The following AXIN1 variants were observed in gnomAD, a reference collection of about 807,000 sequenced individuals.
AXIN1 encodes axin-1.
A neutral mutation model predicts 76.4 loss-of-function variants in AXIN1; 30 were observed. The ratio of observed to expected loss-of-function variants is 0.39; its 90% CI spans 0.29 to 0.53. AXIN1 has a LOEUF of 0.53. Ranked by LOEUF, AXIN1 falls within the 20% of genes least tolerant of loss-of-function variation. The pLI, the probability that AXIN1 is intolerant of heterozygous loss-of-function variation, is 0.66. For synonymous variants in AXIN1, 545 were observed against 501.4 expected (o/e 1.09, Z -1.16); for missense variants, 1,140 against 1,198.8 (o/e 0.95, Z 0.72).
intron 1 of AXIN1, among the ~76,000 whole-genome samples, chr16:350,960 C>A (rs1430846047): frequency 6.6e-6 from 1 of 151,780 alleles, no homozygotes; most frequent in African/African-American, 2.4e-5. Flanking sequence ...ACAGAAACCC[C>A]ATCTCTACTA....
chr16:331,141 C>T (rs12719801), intron 2 of AXIN1, among the ~76,000 whole-genome samples: 58,812 of 152,034 alleles, frequency 0.39, 11,990 homozygotes, highest in African/African-American at 0.49. Context: ...GCTCTCAGTG[C>T]TGAAGCTACA....
At chr16:341,512 C>T (rs1597113499) in intron 2 of AXIN1, among the ~76,000 whole-genome samples, 2 of 152,374 alleles carry the variant, frequency 1.3e-5, no homozygotes, top group Middle Eastern at 3.4e-3. Context: ...GGGCAGGGCT[C>T]GGGAGCTGCA....
In AXIN1 at chr16:307,252, G is replaced by A. The variant is rs186964941; in HGVS notation, c.1116+2721C>T. On this transcript the variant is annotated intron_variant, in intron 4 of 10. Transcript: ENST00000262320. ...AACAGGAGCACTCATGCCGCCACGCGAGCTCCATAAAAAGACTCCAGGTGG... is the reference window on the plus strand; with the variant it reads ...AACAGGAGCACTCATGCCGCCACGCAAGCTCCATAAAAAGACTCCAGGTGG... 2.3e-3 allele frequency among the ~76,000 whole-genome samples: 348 copies of A among 152,246 alleles called. 3 individuals are homozygous for A. The highest frequency in any genetic ancestry group is 0.015 in the Admixed American group (234 of 15,294).
chr16:291,573 G>C (rs2052562580), intron 8 of AXIN1: 1 of 525,180 alleles, frequency 1.9e-6, no homozygotes, highest in Non-Finnish European at 3.5e-6. Context: ...CCGATCAGGG[G>C]TGCTGGGATC....
At chr16:329,819 G>A (rs1395611476) in intron 2 of AXIN1, among the ~76,000 whole-genome samples, 2 of 146,866 alleles carry the variant, frequency 1.4e-5, no homozygotes, top group South Asian at 4.3e-4. Flanking sequence ...TTTTTTAGTA[G>A]ACACGGGGTT....
chr16:300,367 T>C (rs1481334232), intron 5 of AXIN1, among the ~76,000 whole-genome samples: 1 of 147,686 alleles, frequency 6.8e-6, no homozygotes, highest in Admixed American at 6.7e-5. Flanking sequence ...TTTTTCTTTT[T>C]CTTTTTTTTT....
In AXIN1 at chr16:304,368, T is replaced by C. The variant is rs969357289; in HGVS notation, c.1190A>G (p.Glu397Gly). The C allele has an allele frequency of 6.2e-7, 1 of 1,612,596 alleles. No individual in the cohort carries two copies. Among genetic ancestry groups the C allele is most frequent in the Admixed American group, 1.7e-5 (1 of 60,010 alleles). Residue 397 changes from glutamate (E) to glycine (G), a missense_variant, in exon 5 of 11, where the codon GAG (glutamate) becomes GGG (glycine). Physicochemically the swap from Glu to Gly is moderately conservative, Grantham distance 98. Around this residue, in one of 3 missense-constraint regions of AXIN1, gnomAD observed 708 missense variants for 776.9 expected, o/e 0.91. Coordinates refer to ENST00000262320, the MANE Select transcript of AXIN1 (RefSeq NM_003502.4). The part of the protein sequence containing the change: ...KFAEELIHRL[E>G]AVQRTREAEE... Reference sequence around the variant, plus strand: ...GGCCTCCCGCGTGCGCTGCACAGCCTCCAGGCGGTGGATGAGCTCCTCCGC... The same window carrying C: ...GGCCTCCCGCGTGCGCTGCACAGCCCCCAGGCGGTGGATGAGCTCCTCCGC...
At chr16:351,151 A>T (rs2054135106) in intron 1 of AXIN1, among the ~76,000 whole-genome samples, 1 of 151,416 alleles carries the variant, frequency 6.6e-6, no homozygotes, top group African/African-American at 2.4e-5. Flanking sequence ...AAAAAAACTG[A>T]AACCGAGCTA....
At chr16:309,679 T>TC (rs2053123688) in intron 4 of AXIN1, among the ~76,000 whole-genome samples, 1 of 152,150 alleles carries the variant, frequency 6.6e-6, no homozygotes, top group South Asian at 2.1e-4. Context: ...AGGGGAAGCA[T>TC]CCACCTTCAC....
chr16:314,386 C>T (rs1415325923), intron 3 of AXIN1, among the ~76,000 whole-genome samples, 157 bp downstream of exon 3: 1 of 152,220 alleles, frequency 6.6e-6, no homozygotes, highest in East Asian at 1.9e-4. Context: ...GAGCTGGCCG[C>T]GCTCTGCAGC....
At position 346,865 on chromosome 16, in the gene AXIN1, C is replaced by G. The variant is rs2141708137; in HGVS notation, c.161G>C (p.Gly54Ala). The G allele has an allele frequency of 6.2e-7, 1 of 1,613,730 alleles. No homozygotes were observed. The highest frequency in any genetic ancestry group is 8.5e-7 in the Non-Finnish European group (1 of 1,179,596). The change falls in exon 2 of 11, where the codon GGT (glycine) becomes GCT (alanine). Residue 54 changes from glycine (G) to alanine (A), a missense_variant. Coordinates refer to ENST00000262320, the MANE Select transcript of AXIN1 (RefSeq NM_003502.4). ...CCTCGGAGTGGCCGTCGAAGTCTCA[C>G]CTTTAATGCCAACACCTTTCCCGGA... The part of the protein sequence containing the change: ...FCSGKGVGIK[G>A]ETSTATPRRS...
At chr16:307,214 C>T (rs893162790) in intron 4 of AXIN1, among the ~76,000 whole-genome samples, 16 of 152,088 alleles carry the variant, frequency 1.1e-4, no homozygotes, top group South Asian at 2.1e-4. Context: ...GAGAGCAGCA[C>T]GGCTGAGGGG....
intron 2 of AXIN1, among the ~76,000 whole-genome samples, chr16:332,353 G>A (rs564826474): frequency 4.3e-4 from 66 of 152,074 alleles, no homozygotes; most frequent in African/African-American, 1.3e-3. Context: ...CAAGGCGGGC[G>A]GATCACGAGA....
intron 2 of AXIN1, among the ~76,000 whole-genome samples, chr16:345,018 C>T (rs887369895): frequency 4.6e-5 from 7 of 152,148 alleles, no homozygotes; most frequent in Non-Finnish European, 1.0e-4. Flanking sequence ...TTACACAGGC[C>T]GGAGCCTCCG....
chr16:330,118 T>C (rs2053665098), intron 2 of AXIN1, among the ~76,000 whole-genome samples: 1 of 149,502 alleles, frequency 6.7e-6, no homozygotes, highest in Non-Finnish European at 1.5e-5. Context: ...TGGAGAGCAG[T>C]GGCACATTCA....
chr16:306,954 C>T (rs1004395538), intron 4 of AXIN1, among the ~76,000 whole-genome samples: 7 of 152,214 alleles, frequency 4.6e-5, no homozygotes, highest in Non-Finnish European at 1.0e-4. Context: ...AACTAACAAG[C>T]CACCCTTTCC....
intron 2 of AXIN1, among the ~76,000 whole-genome samples, chr16:342,387 C>A (rs1192749981): frequency 6.6e-6 from 1 of 152,208 alleles, no homozygotes; most frequent in Non-Finnish European, 1.5e-5. Context: ...CAATTCCGGA[C>A]ACACCGGGAC....
rs1325926342 is a variant in AXIN1, at chr16:346,770, C to A, written c.256G>T (p.Ala86Ser). ...TCCAGCAGGGAATGCAGTGACTCAGCCCACTTCAAGTATGGTGGGGTGGGG... is the reference window on the plus strand; with the variant it reads ...TCCAGCAGGGAATGCAGTGACTCAGACCACTTCAAGTATGGTGGGGTGGGG... ...ASPTPPYLKW[A>S]ESLHSLLDDQ... The change falls in exon 2 of 11, where the codon GCT becomes TCT. Residue 86 changes from alanine (A) to serine (S), a missense_variant. Around this residue, in one of 3 missense-constraint regions of AXIN1, gnomAD observed 708 missense variants for 776.9 expected, o/e 0.91. Transcript: ENST00000262320. 1 of 1,609,282 alleles carries A rather than the reference C, an allele frequency of 6.2e-7. No individual in the cohort carries two copies. Among genetic ancestry groups the A allele is most frequent in the South Asian group, 1.1e-5 (1 of 90,680 alleles).
intron 2 of AXIN1, among the ~76,000 whole-genome samples, chr16:335,440 T>A (rs1374620615): frequency 6.7e-6 from 1 of 149,050 alleles, no homozygotes; most frequent in Non-Finnish European, 1.5e-5. Flanking sequence ...CACGGCACAC[T>A]AATTACACAG....
Sources: gnomAD v4.1 joint callset for allele counts (sites outside exome capture counted in the v4.1 genomes callset) on GRCh38, gnomAD v4.1.1 for gene constraint, gnomAD v4.1.1 regional missense constraint, MANE v1.5 for transcripts, NCBI Gene and HGNC (gene_info 2026-07-23, HGNC 2026-07-21) for gene names.